Variants in RALGAPA2 observed in about 807,000 individuals in gnomAD.
RALGAPA2 encodes Ral GTPase activating protein catalytic subunit alpha 2.
In RALGAPA2, 139 loss-of-function variants were observed where a neutral mutation model predicts 230.4. The observed-to-expected ratio is 0.60, with a 90% CI of 0.53 to 0.69. The LOEUF (loss-of-function observed/expected upper bound fraction) is 0.69, where lower values mean the gene tolerates loss of function less well. RALGAPA2 is among the 30% of genes least tolerant of loss of function. RALGAPA2 has a pLI of 0.00. For synonymous variants in RALGAPA2, 847 were observed against 837.8 expected (o/e 1.01, Z -0.19); for missense variants, 2,163 against 2,276.0 (o/e 0.95, Z 1.01).
chr20:20,591,301 A>C lies in RALGAPA2; in HGVS notation c.2217T>G (p.Cys739Trp). Residue 739 changes from cysteine (C) to tryptophan (W), a missense_variant, in exon 17 of 40, where the codon TGT (cysteine) becomes TGG (tryptophan). Transcript: ENST00000202677. ...VRQKATEVEECQQSENAPAAG... is the reference protein window; with the variant it reads ...VRQKATEVEEWQQSENAPAAG... ...CTGCAGGTGCATTTTCTGACTGTTG[A>C]CACTCCTCCACTTCTGTGAGCATTA... 2 of 1,613,732 alleles carry C rather than the reference A, an allele frequency of 1.2e-6. No individual in the cohort carries two copies. Among genetic ancestry groups the C allele is most frequent in the Non-Finnish European group, 1.7e-6 (2 of 1,179,748 alleles).
intron 37 of RALGAPA2, among the ~76,000 whole-genome samples, chr20:20,413,783 T>C (rs2060111572): frequency 6.6e-6 from 1 of 152,232 alleles, no homozygotes; most frequent in Non-Finnish European, 1.5e-5. Context: ...TGATCTTTTA[T>C]ATAGATGGGC....
chr20:20,697,474 T>TACA (rs2146960362), intron 1 of RALGAPA2, among the ~76,000 whole-genome samples: 1 of 152,336 alleles, frequency 6.6e-6, no homozygotes, highest in African/African-American at 2.4e-5. Context: ...TGTCATGTGG[T>TACA]ACAAATGGGC....
In RALGAPA2 at chr20:20,536,787, G is replaced by A. The variant is rs2063509609; in HGVS notation, c.3286-3C>T. The A allele has an allele frequency of 1.2e-6, 2 of 1,610,442 alleles. No individual in the cohort carries two copies. The highest frequency in any genetic ancestry group is 2.2e-5 in the South Asian group (2 of 90,824). On this transcript the variant is annotated splice_polypyrimidine_tract_variant and splice_region_variant and intron_variant, in intron 24 of 39. Coordinates refer to ENST00000202677, the MANE Select transcript of RALGAPA2 (RefSeq NM_020343.4). ...GTGACAGCCTCTGAACGAGGCGCCT[G>A]CACATAAGGAAGAGGAGCACACACA...
chr20:20,458,753 C>G (rs1282975046), intron 37 of RALGAPA2, among the ~76,000 whole-genome samples: 1 of 554 alleles, frequency 1.8e-3, no homozygotes, highest in African/African-American at 5.9e-3. Flanking sequence ...TATATACATA[C>G]ACACCTATAT....
At chr20:20,524,208 G>A (rs192726876) in intron 30 of RALGAPA2, among the ~76,000 whole-genome samples, 198 bp downstream of exon 30, 238 of 152,230 alleles carry the variant, frequency 1.6e-3, no homozygotes, top group African/African-American at 5.5e-3. Context: ...TGCCCGCCTC[G>A]GCCTCCCAAA....
chr20:20,693,205 C>A (rs1036956963), intron 1 of RALGAPA2, among the ~76,000 whole-genome samples: 10 of 152,110 alleles, frequency 6.6e-5, no homozygotes, highest in African/African-American at 2.4e-4. Context: ...AAGATATAGT[C>A]CAAATACTTA....
chr20:20,444,663 GTTGA>G, intron 37 of RALGAPA2, among the ~76,000 whole-genome samples: 1 of 152,272 alleles, frequency 6.6e-6, no homozygotes, highest in Non-Finnish European at 1.5e-5. Context: ...TCCCCAAGTG[GTTGA>G]TTGAGCCAAT....
chr20:20,483,225 A>T (rs900960036), intron 36 of RALGAPA2, among the ~76,000 whole-genome samples: 5 of 152,244 alleles, frequency 3.3e-5, no homozygotes, highest in African/African-American at 1.2e-4. Context: ...CTGCCCATCA[A>T]AGAATGATGG....
chr20:20,637,329 G>A (rs778078542), intron 8 of RALGAPA2, 34 bp downstream of exon 8: 7 of 1,491,178 alleles, frequency 4.7e-6, no homozygotes, highest in Non-Finnish European at 6.3e-6. Flanking sequence ...CTTTCCTTTG[G>A]ATATCCTCTA....
chr20:20,619,885 T>C (rs2066268109), intron 11 of RALGAPA2, among the ~76,000 whole-genome samples: 1 of 152,240 alleles, frequency 6.6e-6, no homozygotes, highest in Admixed American at 6.5e-5. Context: ...CTTAAGTTTC[T>C]TTTGTTTCAG....
At chr20:20,556,170 A>G (rs2064077431) in intron 23 of RALGAPA2, among the ~76,000 whole-genome samples, 1 of 152,204 alleles carries the variant, frequency 6.6e-6, no homozygotes, top group East Asian at 1.9e-4. Context: ...AGGGCCTCTA[A>G]GAAAGAAATG....
rs2060084813 is a variant in RALGAPA2, at chr20:20,412,617, G to A, written c.5496-469C>T. On this transcript the variant is annotated intron_variant, in intron 37 of 39. Coordinates refer to ENST00000202677, the MANE Select transcript of RALGAPA2 (RefSeq NM_020343.4). Reference sequence around the variant, plus strand: ...AAAATAAGAAGATGCAAGTTACTGGGAAGAGAGAAGGCTAGGAAGATAGAT... The same window carrying A: ...AAAATAAGAAGATGCAAGTTACTGGAAAGAGAGAAGGCTAGGAAGATAGAT... 3.3e-5 allele frequency among the ~76,000 whole-genome samples: 5 copies of A among 152,276 alleles called. No homozygotes were observed. In the South Asian group the frequency reaches 1.0e-3, roughly 32 times the overall value.
At chr20:20,421,196 A>C (rs1322211966) in intron 37 of RALGAPA2, among the ~76,000 whole-genome samples, 1 of 152,254 alleles carries the variant, frequency 6.6e-6, no homozygotes, top group African/African-American at 2.4e-5. Context: ...CAGTAAACAC[A>C]TGAAAAGATG....
intron 36 of RALGAPA2, among the ~76,000 whole-genome samples, chr20:20,475,527 C>T (rs931961028): frequency 5.3e-5 from 8 of 152,100 alleles, no homozygotes; most frequent in African/African-American, 1.9e-4. Context: ...AAATTTAACT[C>T]TCACTCATAA....
intron 38 of RALGAPA2, among the ~76,000 whole-genome samples, chr20:20,408,728 A>ATG (rs200658773): frequency 6.6e-5 from 10 of 151,730 alleles, no homozygotes; most frequent in South Asian, 4.2e-4. Flanking sequence ...CCACCCCAAT[A>ATG]TGTGTGTGTG....
chr20:20,425,519 C>T (rs1313278010), intron 37 of RALGAPA2, among the ~76,000 whole-genome samples: 3 of 152,046 alleles, frequency 2.0e-5, no homozygotes, highest in African/African-American at 7.2e-5. Context: ...TCTCAGTTTT[C>T]CAGGAAGATA....
intron 30 of RALGAPA2, among the ~76,000 whole-genome samples, chr20:20,522,149 C>T (rs2063061881): frequency 6.6e-6 from 1 of 151,268 alleles, no homozygotes; most frequent in Admixed American, 6.6e-5. Context: ...AGCACAACTA[C>T]TTTGGAAAAT....
intron 31 of RALGAPA2, among the ~76,000 whole-genome samples, chr20:20,517,875 C>T (rs927265253): frequency 6.7e-6 from 1 of 148,768 alleles, no homozygotes; most frequent in Non-Finnish European, 1.5e-5. Flanking sequence ...AAACAGTCTA[C>T]ACAAATGAGA....
chr20:20,424,341 A>G (rs1294946715), intron 37 of RALGAPA2, among the ~76,000 whole-genome samples: 1 of 152,238 alleles, frequency 6.6e-6, no homozygotes, highest in Non-Finnish European at 1.5e-5. Context: ...TTCGTCATTC[A>G]GCCTATTTCA....
Sources: allele counts gnomAD v4.1 joint callset (sites outside exome capture counted in the v4.1 genomes callset), GRCh38; gene constraint gnomAD v4.1.1; transcripts MANE v1.5; gene names NCBI Gene and HGNC (gene_info 2026-07-23, HGNC 2026-07-21).